The following ASTN2 variants were observed in gnomAD, a reference collection of about 807,000 sequenced individuals.
ASTN2 encodes the protein astrotactin 2.
A neutral mutation model predicts 139.8 loss-of-function variants in ASTN2; 54 were observed. That is an observed-to-expected ratio of 0.39 (90% CI 0.31 to 0.48). The LOEUF (loss-of-function observed/expected upper bound fraction) is 0.48, where lower values mean the gene tolerates loss of function less well. Ranked by LOEUF, ASTN2 falls within the 20% of genes least tolerant of loss-of-function variation. ASTN2 has a pLI of 0.95. For missense variants in ASTN2, 1,565 were observed against 1,725.1 expected (o/e 0.91, Z 1.64); for synonymous variants, 756 against 719.5 (o/e 1.05, Z -0.81).
At chr9:116,972,485 A>G (rs1211977216) in intron 10 of ASTN2, among the ~76,000 whole-genome samples, 1 of 152,010 alleles carries the variant, frequency 6.6e-6, no homozygotes, top group African/African-American at 2.4e-5. Flanking sequence ...ACATTTACAT[A>G]TTTCTGTTAT....
rs976094556 is a variant in ASTN2, at chr9:116,758,598, T to C, written c.2397-25075A>G. ...CACAGCTGAGAGGGCAAATGGAGAC[T>C]GAAATTCATCCCTGTTCTGCAAGCC... On this transcript the variant is annotated intron_variant, in intron 13 of 22. Transcript: ENST00000313400. 3.9e-5 allele frequency among the ~76,000 whole-genome samples: 6 copies of C among 152,364 alleles called. 1 individual carries two copies. Among genetic ancestry groups the C allele is most frequent in the Admixed American group, 2.6e-4 (4 of 15,304 alleles).
intron 16 of ASTN2, among the ~76,000 whole-genome samples, chr9:116,684,351 G>T (rs1490545807): frequency 3.9e-5 from 6 of 152,076 alleles, no homozygotes; most frequent in Non-Finnish European, 5.9e-5. Context: ...ATAAAAATGG[G>T]GTCTGGAGAG....
In ASTN2 at chr9:116,423,532, G is replaced by T. The variant is rs1847237159; in HGVS notation, c.*2319C>A. Among the ~76,000 whole-genome samples the T allele has an allele frequency of 6.6e-6, 1 of 152,190 alleles. No individual in the cohort carries two copies. Among genetic ancestry groups the T allele is most frequent in the Non-Finnish European group, 1.5e-5 (1 of 68,044 alleles). On this transcript the variant is annotated 3_prime_UTR_variant, in exon 23 of 23. Transcript: ENST00000313400. Reference sequence around the variant, plus strand: ...AATGGAAAGCAACAGCAACCTGATAGCTCTCTGAAAACTTGGGACCCAGGC... The same window carrying T: ...AATGGAAAGCAACAGCAACCTGATATCTCTCTGAAAACTTGGGACCCAGGC...
chr9:116,975,049 G>T (rs546291451), intron 10 of ASTN2, among the ~76,000 whole-genome samples, 159 bp downstream of exon 10: 1 of 152,296 alleles, frequency 6.6e-6, no homozygotes, highest in East Asian at 1.9e-4. Flanking sequence ...CAGTGATGGA[G>T]GTCACATCTA....
intron 3 of ASTN2, among the ~76,000 whole-genome samples, chr9:117,206,568 C>G (rs1831932184): frequency 6.6e-6 from 1 of 152,164 alleles, no homozygotes; most frequent in African/African-American, 2.4e-5. Context: ...GCCATGGCAC[C>G]TCTCCAGCAA....
chr9:117,214,326 C>T (rs902982926), intron 3 of ASTN2, 32 bp downstream of exon 3: 21 of 1,534,096 alleles, frequency 1.4e-5, no homozygotes, highest in Non-Finnish European at 1.9e-5. Flanking sequence ...AAAATGCCCC[C>T]TGGAAAATGG....
intron 10 of ASTN2, among the ~76,000 whole-genome samples, chr9:116,878,977 C>G (rs1833376145): frequency 6.6e-6 from 1 of 151,730 alleles, no homozygotes; most frequent in African/African-American, 2.4e-5. Context: ...CAGGGTGTGC[C>G]CTGCTGCTCA....
intron 1 of ASTN2, among the ~76,000 whole-genome samples, chr9:117,333,542 AG>A (rs1360780446): frequency 6.6e-6 from 1 of 152,138 alleles, no homozygotes; most frequent in East Asian, 1.9e-4. Flanking sequence ...CAGTTATTGC[AG>A]GGGGGGTTGG....
chr9:117,342,924 G>A (rs1400221871), intron 1 of ASTN2, among the ~76,000 whole-genome samples: 5 of 152,094 alleles, frequency 3.3e-5, no homozygotes, highest in African/African-American at 4.8e-5. Context: ...TGACATTCTG[G>A]GAGGCCACAG....
At chr9:117,403,563 C>T (rs2130966038) in intron 1 of ASTN2, among the ~76,000 whole-genome samples, 1 of 152,148 alleles carries the variant, frequency 6.6e-6, no homozygotes, top group South Asian at 2.1e-4. Context: ...CCTCCGCCCT[C>T]AGCCACCACT....
intron 15 of ASTN2, among the ~76,000 whole-genome samples, chr9:116,726,465 C>T (rs574522568): frequency 6.6e-6 from 1 of 152,322 alleles, no homozygotes; most frequent in South Asian, 2.1e-4. Context: ...TATGTTCTCA[C>T]TGCACACTGC....
chr9:116,749,619 G>C (rs562372620), intron 13 of ASTN2, among the ~76,000 whole-genome samples: 3 of 152,050 alleles, frequency 2.0e-5, no homozygotes, highest in African/African-American at 4.8e-5. Context: ...CCTACTTTTG[G>C]GGGGCAGGAA....
At chr9:117,063,169 T>C (rs78507473) in intron 5 of ASTN2, among the ~76,000 whole-genome samples, 4,264 of 152,304 alleles carry the variant, frequency 0.028, 89 homozygotes, top group Non-Finnish European at 0.042. Context: ...TATTCCATGG[T>C]AATATGTTAA....
rs147833259 is a variant in ASTN2, at chr9:117,269,905, T to C, written c.630+21421A>G. On this transcript the variant is annotated intron_variant, in intron 2 of 22. Coordinates refer to ENST00000313400, the MANE Select transcript of ASTN2 (RefSeq NM_001365068.1). ...GGGGCACATACTCTGCAAGAGGCAC[T>C]GTGCCACAAATTTCATATACATCTT... 5.9e-5 allele frequency among the ~76,000 whole-genome samples: 9 copies of C among 152,384 alleles called. No homozygotes were observed. The East Asian group carries it at 1.5e-3, about 26-fold the overall frequency.
intron 17 of ASTN2, among the ~76,000 whole-genome samples, chr9:116,647,184 A>G (rs1272968897): frequency 6.6e-6 from 1 of 152,124 alleles, no homozygotes; most frequent in East Asian, 1.9e-4. Context: ...CTAGTACTCT[A>G]TACAGTCTTG....
intron 1 of ASTN2, among the ~76,000 whole-genome samples, chr9:117,343,679 T>C (rs1393424080): frequency 1.3e-5 from 2 of 152,236 alleles, no homozygotes; most frequent in East Asian, 3.9e-4. Context: ...TAGCAAGGAA[T>C]GAAAAGCACA....
Position 116,697,964 on chromosome 9 carries a change from C to T in ASTN2, c.2806+27807G>A. ...AGATTACCCGCATAACCAGCTTGAC[C>T]CAGCTGACAGACAATCTGACAGTGC... On this transcript the variant is annotated intron_variant, in intron 16 of 22. Transcript: ENST00000313400. 1 of 1,614,196 alleles carries T rather than the reference C, an allele frequency of 6.2e-7. No individual in the cohort carries two copies. The highest frequency in any genetic ancestry group is 8.5e-7 in the Non-Finnish European group (1 of 1,180,046).
chr9:116,689,958 T>G (rs1160423016), intron 16 of ASTN2, among the ~76,000 whole-genome samples: 1 of 152,176 alleles, frequency 6.6e-6, no homozygotes, highest in African/African-American at 2.4e-5. Context: ...TATGGTCTCT[T>G]TTGGTCTGCT....
In ASTN2 at chr9:117,414,636, G is replaced by C. The variant is rs1432182873; in HGVS notation, c.303C>G (p.Ala101=). The change falls in exon 1 of 23, where the codon GCC becomes GCG. Residue 101 remains alanine, a synonymous_variant. Transcript: ENST00000313400. This position sits in a 1 kb window ranked among gnomAD's most constrained non-coding sequence, Gnocchi z 4.2. The stretch of plus-strand genomic sequence containing the variant: ...AGCCAGGAGAGCCCGGGGACGCGGC[G>C]GCGGCGGCGGCTCCGGCCCCGGTCC... ...GAGTGAGAAA[A]AASPGSPGSA... 20 of 1,401,432 alleles carry C rather than the reference G, an allele frequency of 1.4e-5. No individual in the cohort carries two copies. The highest frequency in any genetic ancestry group is 1.8e-5 in the Non-Finnish European group (19 of 1,082,556). 86.8% of individuals were successfully genotyped at this position (1,401,432 alleles called of 1,614,324 possible). A position where few individuals can be genotyped will look rare whatever the true frequency, so the allele number is the denominator to read the frequency against.
Sources: gnomAD v4.1 joint callset for allele counts (sites outside exome capture counted in the v4.1 genomes callset) on GRCh38, gnomAD v4.1.1 for gene constraint, Gnocchi (gnomAD v3.1) non-coding constraint, MANE v1.5 for transcripts, NCBI Gene and HGNC (gene_info 2026-07-23, HGNC 2026-07-21) for gene names.